The following PLAGL1 variants were observed in gnomAD, a reference collection of about 807,000 sequenced individuals.
PLAGL1 encodes zinc finger protein PLAGL1.
In PLAGL1, 1 loss-of-function variant was observed where a neutral mutation model predicts 4.6. The observed-to-expected ratio is 0.22, with a 90% CI of 0.08 to 1.03. The LOEUF is 1.03. Among genes scored for constraint, PLAGL1 ranks in the 50% least tolerant of loss-of-function variants. The pLI is 0.58. For synonymous variants in PLAGL1, 240 were observed against 237.8 expected, an observed-to-expected ratio of 1.01 and a Z score of -0.08; for missense variants, 464 against 570.4, an observed-to-expected ratio of 0.81 and a Z score of 1.90.
At position 143,962,715 on chromosome 6, in the gene PLAGL1, G is replaced by A. The variant is rs772959716; in HGVS notation, c.-399+2072C>T. 2.6e-4 allele frequency among the ~76,000 whole-genome samples: 39 copies of A among 152,218 alleles called. No homozygotes were observed. The highest frequency in any genetic ancestry group is 3.2e-3 in the Middle Eastern group (1 of 316). On this transcript the variant is annotated intron_variant, in intron 5 of 7. Coordinates refer to ENST00000674357, the MANE Select transcript of PLAGL1 (RefSeq NM_001317162.2). This position sits in a 1 kb window ranked among gnomAD's most constrained non-coding sequence, Gnocchi z 5.3. Reference sequence around the variant, plus strand: ...CACTGAAACCCACATTGAACAAAGGGATTTCCTTCCAGTTTCAGCTCATTC... The same window carrying A: ...CACTGAAACCCACATTGAACAAAGGAATTTCCTTCCAGTTTCAGCTCATTC...
rs1187230713 is a variant in PLAGL1 at position 143,948,045 on chromosome 6, G to A, written c.92C>T (p.Pro31Leu). ...IHNYSHSRER[P>L]YKCVQPDCGK... ...ACAGTCAGGCTGCACACACTTGTAC[G>A]GCCGCTCCCTGGAGTGGGAATAATT... Residue 31 changes from proline (P) to leucine (L), a missense_variant, in exon 7 of 8, where the codon CCG becomes CTG. Around this residue, in one of 4 missense-constraint regions of PLAGL1, gnomAD observed 161 missense variants for 196.7 expected, o/e 0.82. Transcript: ENST00000674357. This position sits in a 1 kb window ranked among gnomAD's most constrained non-coding sequence, Gnocchi z 6.0. 9 of 1,613,702 alleles carry A rather than the reference G, an allele frequency of 5.6e-6. No individual in the cohort carries two copies. Among genetic ancestry groups the A allele is most frequent in the African/African-American group, 5.3e-5 (4 of 75,044 alleles).
chr6:144,052,962 A>G lies in PLAGL1; in HGVS notation c.-151+11506T>C, dbSNP rs149783669. 5.9e-3 allele frequency among the ~76,000 whole-genome samples: 903 copies of G among 152,312 alleles called. 10 individuals carry two copies. Among genetic ancestry groups the G allele is most frequent in the African/African-American group, 0.021 (877 of 41,566 alleles). On this transcript the variant is annotated intron_variant, in intron 1 of 3. Transcript: ENST00000437412. ...AATTCTTTCTTGGTATCATGAACTG[A>G]GAAGACTGAAGGGGGTCACAGAAAA... is the stretch of plus-strand genomic sequence containing the variant.
intron 1 of PLAGL1, among the ~76,000 whole-genome samples, chr6:144,030,281 A>AAAGAAG (rs1554278266): frequency 7.5e-6 from 1 of 132,902 alleles, no homozygotes; most frequent in African/African-American, 3.2e-5. Flanking sequence ...AAAAAAAAAA[A>AAAGAAG]AAGAAGATGT....
Position 144,056,134 on chromosome 6 carries a change from C to A in PLAGL1, c.-151+8334G>T, listed in dbSNP as rs969371540. Among the ~76,000 whole-genome samples the A allele has an allele frequency of 6.8e-6, 1 of 146,112 alleles. No individual in the cohort carries two copies. Among genetic ancestry groups the A allele is most frequent in the Non-Finnish European group, 1.5e-5 (1 of 66,600 alleles). ...GACCTCCAAGGGATCAGTTTGAGAACCGCTGCTTTATATCTTTTAACACAT... is the reference window on the plus strand; with the variant it reads ...GACCTCCAAGGGATCAGTTTGAGAAACGCTGCTTTATATCTTTTAACACAT... On this transcript the variant is annotated intron_variant, in intron 1 of 3. Transcript: ENST00000437412. The surrounding 1 kb of genome is among the most constrained non-coding windows in gnomAD (Gnocchi z 4.7).
At chr6:144,046,743 T>C (rs2128721388) in intron 1 of PLAGL1, among the ~76,000 whole-genome samples, 1 of 152,368 alleles carries the variant, frequency 6.6e-6, no homozygotes, top group South Asian at 2.1e-4. Context: ...CAGGGACGTT[T>C]AAGTCTGCAG....
At position 143,966,779 on chromosome 6, in the gene PLAGL1, TTTTAATA is replaced by T. The variant is rs1784503176; in HGVS notation, c.-471-588_-471-582del. The T allele has an allele frequency of 6.6e-6, 1 of 152,242 alleles. No homozygotes were observed. Among genetic ancestry groups the T allele is most frequent in the Non-Finnish European group, 1.5e-5 (1 of 68,046 alleles). 9.4% of individuals were successfully genotyped at this position (152,242 alleles called of 1,614,324 possible). A position where few individuals can be genotyped will look rare whatever the true frequency, so the allele number is the denominator to read the frequency against. ...ATAGAGAAATTATTTTCTTTTCTAA[TTTTAATA>T]TTTAACACTCCTATGTTATGATCCC... is the stretch of plus-strand genomic sequence containing the variant. On this transcript the variant is annotated intron_variant, in intron 3 of 7. Coordinates refer to ENST00000674357, the MANE Select transcript of PLAGL1 (RefSeq NM_001317162.2). The surrounding 1 kb of genome is among the most constrained non-coding windows in gnomAD (Gnocchi z 6.0).
At chr6:144,033,480 C>T (rs1283641534) in intron 1 of PLAGL1, among the ~76,000 whole-genome samples, 1 of 152,172 alleles carries the variant, frequency 6.6e-6, no homozygotes, top group Non-Finnish European at 1.5e-5. Context: ...GATGGAAAAA[C>T]CTAGATTGTC....
chr6:143,958,536 G>C lies in PLAGL1; in HGVS notation c.-325+1933C>G, dbSNP rs1221089127. Among the ~76,000 whole-genome samples, 1 of 152,172 alleles carries C rather than the reference G, an allele frequency of 6.6e-6. No homozygotes were observed. The highest frequency in any genetic ancestry group is 2.4e-5 in the African/African-American group (1 of 41,436). ...AGAAGCATGCCTGTCTGCCTCTCGG[G>C]ACACAGGCCGTACTTTATTAGACAC... On this transcript the variant is annotated intron_variant, in intron 6 of 7. Transcript: ENST00000674357. This position sits in a 1 kb window ranked among gnomAD's most constrained non-coding sequence, Gnocchi z 5.1.
At position 144,016,861 on chromosome 6, in the gene PLAGL1, A is replaced by T. The variant is rs181938013; in HGVS notation, c.-151+47607T>A. ...CTCTATTACCAGCAATTTGAATTAG[A>T]ATTGACCTTCTGCTGTTTTTTTTGT... On this transcript the variant is annotated intron_variant, in intron 1 of 3. Transcript: ENST00000437412. This position sits in a 1 kb window ranked among gnomAD's most constrained non-coding sequence, Gnocchi z 4.2. Among the ~76,000 whole-genome samples the T allele has an allele frequency of 3.3e-5, 5 of 152,324 alleles. No homozygotes were observed. Among genetic ancestry groups the T allele is most frequent in the African/African-American group, 1.2e-4 (5 of 41,578 alleles).
At chr6:144,021,377 T>A (rs1393603626) in intron 1 of PLAGL1, among the ~76,000 whole-genome samples, 1 of 152,224 alleles carries the variant, frequency 6.6e-6, no homozygotes, top group East Asian at 1.9e-4. Context: ...AATTATTCCA[T>A]CTGTAGATAA....
rs10683445 is a variant in PLAGL1, at chr6:144,027,287, G to GA, written c.-151+37180dup. Among the ~76,000 whole-genome samples the GA allele has an allele frequency of 8.2e-6, 1 of 122,528 alleles. No homozygotes were observed. The highest frequency in any genetic ancestry group is 1.8e-5 in the Non-Finnish European group (1 of 55,662). The allele number at this position is 122,528 out of a possible 152,430, so 80.4% of individuals were successfully genotyped here. On this transcript the variant is annotated intron_variant, in intron 1 of 3. Coordinates refer to the PLAGL1 transcript ENST00000437412. This position sits in a 1 kb window ranked among gnomAD's most constrained non-coding sequence, Gnocchi z 5.8. ...AGAAAGAAAGAAAGAAAGAAAGAAA[G>GA]AAAGAAAGTTATTTGATCTGAAGTA...
rs1324243101 is a variant in PLAGL1 at position 143,971,122 on chromosome 6, C to G, written c.-543-2144G>C. Among the ~76,000 whole-genome samples the G allele has an allele frequency of 1.3e-5, 2 of 151,570 alleles. No homozygotes were observed. The highest frequency in any genetic ancestry group is 4.9e-5 in the African/African-American group (2 of 41,186). ...TTTTTTTTTTATCTTCAAGTTAATA[C>G]TTATGAGGGTGAGAGTCTACCAATG... is the stretch of plus-strand genomic sequence containing the variant. On this transcript the variant is annotated intron_variant, in intron 2 of 7. Coordinates refer to ENST00000674357, the MANE Select transcript of PLAGL1 (RefSeq NM_001317162.2). The surrounding 1 kb of genome is among the most constrained non-coding windows in gnomAD (Gnocchi z 4.7).
Position 143,995,085 on chromosome 6 carries a change from T to C in PLAGL1, c.-583-9911A>G, listed in dbSNP as rs950800066. On this transcript the variant is annotated intron_variant, in intron 1 of 7. Transcript: ENST00000674357. This position sits in a 1 kb window ranked among gnomAD's most constrained non-coding sequence, Gnocchi z 4.4. ...TGTATTACTTATTAACTGTCTGATA[T>C]TGGGAAAGGCTTCATTCTTTCTCAG... 2.0e-5 allele frequency among the ~76,000 whole-genome samples: 3 copies of C among 152,198 alleles called. No homozygotes were observed. The highest frequency in any genetic ancestry group is 7.2e-5 in the African/African-American group (3 of 41,458).
Position 144,022,031 on chromosome 6 carries a change from C to T in PLAGL1, c.-151+42437G>A, listed in dbSNP as rs912617335. ...AAAAGAGGTGATCCAACTCTCCTAC[C>T]TCAGGCAGTTGCAGGGCTTTGAACC... On this transcript the variant is annotated intron_variant, in intron 1 of 3. Transcript: ENST00000437412. This position sits in a 1 kb window ranked among gnomAD's most constrained non-coding sequence, Gnocchi z 4.2. Among the ~76,000 whole-genome samples the T allele has an allele frequency of 3.3e-5, 5 of 152,194 alleles. No homozygotes were observed. Among genetic ancestry groups the T allele is most frequent in the Admixed American group, 1.3e-4 (2 of 15,278 alleles).
chr6:144,010,250 AAAGTC>A (rs1245848863), upstream of PLAGL1, among the ~76,000 whole-genome samples: 1 of 151,648 alleles, frequency 6.6e-6, no homozygotes, highest in Non-Finnish European at 1.5e-5. This position sits in a 1 kb window ranked among gnomAD's most constrained non-coding sequence, Gnocchi z 4.1. Flanking sequence ...CAACTTCAGC[AAAGTC>A]TCAGGATACA....
chr6:143,978,675 A>C lies in PLAGL1; in HGVS notation c.-544+6460T>G, dbSNP rs78849270. 6.3e-3 allele frequency among the ~76,000 whole-genome samples: 965 copies of C among 152,142 alleles called. 7 individuals are homozygous for C. The highest frequency in any genetic ancestry group is 0.022 in the African/African-American group (920 of 41,500). On this transcript the variant is annotated intron_variant, in intron 2 of 7. Coordinates refer to ENST00000674357, the MANE Select transcript of PLAGL1 (RefSeq NM_001317162.2). The surrounding 1 kb of genome is among the most constrained non-coding windows in gnomAD (Gnocchi z 4.6). The stretch of plus-strand genomic sequence containing the variant: ...TTTAATTCCATTATGGTCAGTGAAC[A>C]CTCTTTGTATGATTTAAATCCTTCA...
chr6:144,041,690 G>A (rs889774398), intron 1 of PLAGL1, among the ~76,000 whole-genome samples: 1 of 152,006 alleles, frequency 6.6e-6, no homozygotes, highest in African/African-American at 2.4e-5. Context: ...TAATCCTTTG[G>A]GTATATACCC....
chr6:143,996,998 A>C (rs1353849618), intron 1 of PLAGL1, among the ~76,000 whole-genome samples: 1 of 152,180 alleles, frequency 6.6e-6, no homozygotes, highest in Non-Finnish European at 1.5e-5. Flanking sequence ...AACCACTAAA[A>C]ACCCGATAAA....
chr6:144,002,457 T>A (rs185353616), intron 1 of PLAGL1, among the ~76,000 whole-genome samples: 1 of 152,102 alleles, frequency 6.6e-6, no homozygotes, highest in Non-Finnish European at 1.5e-5. Context: ...AAAAAGAGAA[T>A]AGAATTGTAA....
Sources: allele counts gnomAD v4.1 joint callset (sites outside exome capture counted in the v4.1 genomes callset), GRCh38; gene constraint gnomAD v4.1.1; regional missense constraint gnomAD v4.1.1; non-coding constraint Gnocchi (gnomAD v3.1); transcripts MANE v1.5; gene names NCBI Gene and HGNC (gene_info 2026-07-23, HGNC 2026-07-21).